TNK2: variants seen among roughly 807,000 people sequenced by gnomAD.
TNK2 encodes tyrosine kinase non receptor 2, also known as activated CDC42 kinase 1.
A neutral mutation model predicts 101.8 loss-of-function variants in TNK2; 83 were observed. The ratio of observed to expected loss-of-function variants is 0.82; its 90% CI spans 0.68 to 0.98. TNK2 has a LOEUF of 0.98. Ranked by LOEUF, TNK2 falls within the 50% of genes least tolerant of loss-of-function variation. TNK2 has a pLI of 0.00. For synonymous variants in TNK2, 804 were observed against 633.0 expected, an observed-to-expected ratio of 1.27 and a Z score of -4.06; for missense variants, 1,665 against 1,483.2, an observed-to-expected ratio of 1.12 and a Z score of -2.01.
intron 11 of TNK2, 28 bp from the exon 12 acceptor site, chr3:195,869,569 G>C: frequency 1.3e-6 from 2 of 1,550,588 alleles, no homozygotes; most frequent in Non-Finnish European, 8.7e-7. Flanking sequence ...CGGACAGGGG[G>C]AGAGAGACGG....
chr3:195,886,929 C>G lies in TNK2; in HGVS notation c.234+48G>C. On this transcript the variant is annotated intron_variant, in intron 3 of 15. Transcript: ENST00000672887. This position sits in a 1 kb window ranked among gnomAD's most constrained non-coding sequence, Gnocchi z 4.2. ...TCCCAGGACCAGAAGCGGAGGGGGG[C>G]GTTCGAGGCTGCCCCCCTCCCACCT... 6.3e-7 allele frequency: 1 copy of G among 1,593,430 alleles called. No homozygotes were observed. Among genetic ancestry groups the G allele is most frequent in the Non-Finnish European group, 8.6e-7 (1 of 1,161,362 alleles).
At chr3:195,876,333 C>T (rs1227069672) in intron 9 of TNK2, 2 of 444,070 alleles carry the variant, frequency 4.5e-6, no homozygotes, top group Non-Finnish European at 9.1e-6. Flanking sequence ...CACCAGGAAA[C>T]AAATACTGGA....
At position 195,892,655 on chromosome 3, in the gene TNK2, A is replaced by C. The variant is rs375555793; in HGVS notation, c.-18-4049T>G. 9.0e-5 allele frequency: 127 copies of C among 1,413,946 alleles called. No homozygotes were observed. The East Asian group carries it at 3.1e-3, about 35-fold the overall frequency. 87.6% of individuals were successfully genotyped at this position (1,413,946 alleles called of 1,614,324 possible). A position where few individuals can be genotyped will look rare whatever the true frequency, so the allele number is the denominator to read the frequency against. On this transcript the variant is annotated intron_variant, in intron 1 of 15. Coordinates refer to ENST00000672887, the MANE Select transcript of TNK2 (RefSeq NM_001382273.1). ...GCTGCAAGCCCCGCTGGGTTTCCAC[A>C]GCTGGCCGGTCTGGCAGGGAGCAGA...
intron 10 of TNK2, 105 bp from the exon 11 acceptor site, chr3:195,870,310 G>A: frequency 6.5e-7 from 1 of 1,549,038 alleles, no homozygotes; most frequent in Non-Finnish European, 8.7e-7. Context: ...TGTAGTCTTG[G>A]GTCTGAAGCA....
chr3:195,881,692 C>A (rs549512911), intron 6 of TNK2, among the ~76,000 whole-genome samples: 1 of 130,758 alleles, frequency 7.6e-6, no homozygotes, highest in Non-Finnish European at 1.6e-5. Context: ...TATAACACCC[C>A]CCCGCCAGCA....
At chr3:195,872,746 G>C (rs749152279) in intron 9 of TNK2, 5 of 458,432 alleles carry the variant, frequency 1.1e-5, no homozygotes, top group Non-Finnish European at 1.9e-5. Context: ...AGCTGCTGCA[G>C]CAGGCAACAT....
intron 1 of TNK2, among the ~76,000 whole-genome samples, chr3:195,898,197 C>T (rs1052983714): frequency 2.6e-5 from 4 of 152,080 alleles, no homozygotes; most frequent in African/African-American, 7.2e-5. Context: ...ACTCCTCCTC[C>T]GTCCTCCACC....
rs181590467 is a variant in TNK2 at position 195,885,493 on chromosome 3, A to C, written c.235-460T>G. 2.1e-4 allele frequency: 271 copies of C among 1,297,008 alleles called. 1 individual carries two copies. The African/African-American group carries it at 3.6e-3, about 17-fold the overall frequency. 80.3% of individuals were successfully genotyped at this position (1,297,008 alleles called of 1,614,324 possible). A position where few individuals can be genotyped will look rare whatever the true frequency, so the allele number is the denominator to read the frequency against. On this transcript the variant is annotated intron_variant, in intron 3 of 15. Coordinates refer to ENST00000672887, the MANE Select transcript of TNK2 (RefSeq NM_001382273.1). The surrounding 1 kb of genome is among the most constrained non-coding windows in gnomAD (Gnocchi z 4.7). The stretch of plus-strand genomic sequence containing the variant: ...CCCTGGCCCCTTCTCTGGCCTGACC[A>C]TTTGGTGCTGTCTGTCTCCACCCTC...
chr3:195,894,341 C>T (rs1019524750), intron 1 of TNK2: 2 of 152,288 alleles, frequency 1.3e-5, no homozygotes, highest in South Asian at 2.1e-4. Flanking sequence ...AGAACAAGAC[C>T]TGTAACTGGC....
At chr3:195,896,909 T>A (rs559455111) in intron 1 of TNK2, 8 of 152,332 alleles carry the variant, frequency 5.3e-5, no homozygotes, top group Admixed American at 5.2e-4. Flanking sequence ...AAGTGACAAA[T>A]CCACACCAAG....
chr3:195,869,185 T>C (rs928339907), intron 12 of TNK2: 2 of 564,196 alleles, frequency 3.5e-6, no homozygotes, highest in Non-Finnish European at 6.4e-6. Context: ...AGACAGCGCC[T>C]GCAGGTCTGG....
intron 1 of TNK2, among the ~76,000 whole-genome samples, chr3:195,890,454 GTT>G (rs58431049): frequency 0.039 from 4,648 of 119,074 alleles, 131 homozygotes; most frequent in East Asian, 0.11. Context: ...TAGTTTTTTG[GTT>G]TTTTTTTTTT....
rs374213988 is a variant in TNK2 at position 195,883,202 on chromosome 3, G to C, written c.564C>G (p.Asn188Lys). The C allele has an allele frequency of 6.2e-7, 1 of 1,610,114 alleles. No individual in the cohort carries two copies. The highest frequency in any genetic ancestry group is 8.5e-7 in the Non-Finnish European group (1 of 1,180,012). ...VNAMHSLDHR[N>K]LIRLYGVVLT... ...GCACCACCCCGTAGAGGCGGATGAG[G>C]TTTCGGTGGTCGAGCGAGTGCATGG... The change falls in exon 5 of 16, where the codon AAC becomes AAG. Residue 188 changes from asparagine to lysine, a missense_variant. Around this residue, in one of 3 missense-constraint regions of TNK2, gnomAD observed 490 missense variants for 522.5 expected, o/e 0.94. Transcript: ENST00000672887.
In TNK2 at chr3:195,866,891, G is replaced by C. The variant is rs774898780; in HGVS notation, c.3159C>G (p.His1053Gln). The change falls in exon 15 of 16, where the codon CAC becomes CAG. Residue 1053 changes from histidine (H) to glutamine (Q), a missense_variant and splice_region_variant. Physicochemically the swap from His to Gln is conservative, Grantham distance 24. Transcript: ENST00000672887. The part of the protein sequence containing the change: ...HLLGSWGPAH[H>Q]KR ...GGCAGACTGTGGGGCTCACTCACTT[G>C]TGGTGGGCAGGGCCCCAGGAGCCCA... 1.7e-5 allele frequency: 27 copies of C among 1,610,366 alleles called. No individual in the cohort carries two copies. Among genetic ancestry groups the C allele is most frequent in the Non-Finnish European group, 2.3e-5 (27 of 1,178,846 alleles).
chr3:195,885,273 G>T lies in TNK2; in HGVS notation c.235-240C>A. On this transcript the variant is annotated intron_variant, in intron 3 of 15. Coordinates refer to ENST00000672887, the MANE Select transcript of TNK2 (RefSeq NM_001382273.1). The surrounding 1 kb of genome is among the most constrained non-coding windows in gnomAD (Gnocchi z 4.7). The stretch of plus-strand genomic sequence containing the variant: ...GAGGGTGCCAGAAAGAGACCGACAG[G>T]CATGCAGCCTGTGGCTGAGCGGCCC... The T allele has an allele frequency of 8.4e-7, 1 of 1,194,294 alleles. No homozygotes were observed. Among genetic ancestry groups the T allele is most frequent in the Non-Finnish European group, 1.1e-6 (1 of 882,046 alleles). The allele number at this position is 1,194,294 out of a possible 1,614,324, so 74.0% of individuals were successfully genotyped here.
In TNK2 at chr3:195,872,483, G is replaced by A. The variant is rs1746123676; in HGVS notation, c.1257-13C>T. The A allele has an allele frequency of 3.2e-6, 5 of 1,567,302 alleles. No individual in the cohort carries two copies. Among genetic ancestry groups the A allele is most frequent in the Non-Finnish European group, 4.3e-6 (5 of 1,153,788 alleles). ...GTAGTTCTCGGCCCTGCGCGACAGAGATGGCACGGTGAACGCCAGGCGTGG... is the reference window on the plus strand; with the variant it reads ...GTAGTTCTCGGCCCTGCGCGACAGAAATGGCACGGTGAACGCCAGGCGTGG... On this transcript the variant is annotated splice_polypyrimidine_tract_variant and intron_variant, in intron 9 of 15. Coordinates refer to ENST00000672887, the MANE Select transcript of TNK2 (RefSeq NM_001382273.1).
Position 195,874,456 on chromosome 3 carries a change from G to C in TNK2, c.1257-1986C>G, listed in dbSNP as rs180688260. Among the ~76,000 whole-genome samples, 5 of 152,378 alleles carry C rather than the reference G, an allele frequency of 3.3e-5. No individual in the cohort carries two copies. In the East Asian group the frequency reaches 9.6e-4, roughly 29 times the overall value. ...AAAACATGCTTGCTCCTGGGGGAAG[G>C]AGAGTAAGAGTGCGGAGGACGTGTG... On this transcript the variant is annotated intron_variant, in intron 9 of 15. Coordinates refer to ENST00000672887, the MANE Select transcript of TNK2 (RefSeq NM_001382273.1).
chr3:195,874,587 G>C (rs553098907), intron 9 of TNK2, among the ~76,000 whole-genome samples: 5 of 112,384 alleles, frequency 4.4e-5, no homozygotes, highest in South Asian at 6.2e-4. Context: ...GCTCCCCCTC[G>C]GGATGGCGCC....
intron 1 of TNK2, among the ~76,000 whole-genome samples, chr3:195,891,623 C>A (rs559363295): frequency 6.6e-6 from 1 of 152,066 alleles, no homozygotes; most frequent in Non-Finnish European, 1.5e-5. Context: ...CACCCGGCCA[C>A]GGCCACCGCT....
Sources: allele counts gnomAD v4.1 joint callset (sites outside exome capture counted in the v4.1 genomes callset), GRCh38; gene constraint gnomAD v4.1.1; regional missense constraint gnomAD v4.1.1; non-coding constraint Gnocchi (gnomAD v3.1); transcripts MANE v1.5; gene names NCBI Gene and HGNC (gene_info 2026-07-23, HGNC 2026-07-21).